The following SLC1A2 variants were observed in gnomAD, a reference collection of about 807,000 sequenced individuals.
SLC1A2 encodes excitatory amino acid transporter 2.
A neutral mutation model predicts 48.8 loss-of-function variants in SLC1A2; 15 were observed. The ratio of observed to expected loss-of-function variants is 0.31; its 90% confidence interval spans 0.21 to 0.47. The LOEUF (loss-of-function observed/expected upper bound fraction) is 0.47, where lower values mean the gene tolerates loss of function less well. Ranked by LOEUF, SLC1A2 falls within the 20% of genes least tolerant of loss-of-function variation. The pLI is 0.99. For missense variants in SLC1A2, 502 were observed against 730.5 expected, an observed-to-expected ratio of 0.69 and a Z score of 3.61; for synonymous variants, 279 against 272.6, an observed-to-expected ratio of 1.02 and a Z score of -0.23.
intron 1 of SLC1A2, among the ~76,000 whole-genome samples, chr11:35,384,584 T>C (rs1854528581): frequency 6.6e-6 from 1 of 152,260 alleles, no homozygotes; most frequent in South Asian, 2.1e-4. Flanking sequence ...CTCAGTGGAT[T>C]AGAAGATATT....
intron 1 of SLC1A2, among the ~76,000 whole-genome samples, chr11:35,343,881 G>A: frequency 6.6e-6 from 1 of 151,882 alleles, no homozygotes; most frequent in Non-Finnish European, 1.5e-5. Context: ...TCGAAAAACA[G>A]AAATTAATAA....
chr11:35,281,590 A>G lies in SLC1A2; in HGVS notation c.1287-589T>C, dbSNP rs141088704. On this transcript the variant is annotated intron_variant, in intron 8 of 10. Coordinates refer to ENST00000278379, the MANE Select transcript of SLC1A2 (RefSeq NM_004171.4). ...GATGCCTCACCATGGGCTGGAAAAT[A>G]CATTATTCAGAAAGGGGATGCCAAG... Among the ~76,000 whole-genome samples, 12 of 152,338 alleles carry G rather than the reference A, an allele frequency of 7.9e-5. No homozygotes were observed. In the East Asian group the frequency reaches 1.7e-3, roughly 22 times the overall value.
chr11:35,279,146 GC>G (rs1336093017), intron 9 of SLC1A2, among the ~76,000 whole-genome samples: 2 of 152,254 alleles, frequency 1.3e-5, no homozygotes, highest in South Asian at 4.1e-4. Flanking sequence ...CTCTGGGCCA[GC>G]ACTTGTCACT....
At position 35,255,763 on chromosome 11, in the gene SLC1A2, T is replaced by A. The variant is rs894463150; in HGVS notation, c.*5131A>T. On this transcript the variant is annotated 3_prime_UTR_variant, in exon 11 of 11. Coordinates refer to ENST00000278379, the MANE Select transcript of SLC1A2 (RefSeq NM_004171.4). ...ATTTTTCCGTGAGCCAAATCACTAC[T>A]TCTATTAGGAAGGTGAGTTTAAGTC... 6 of 152,234 alleles carry A rather than the reference T, an allele frequency of 3.9e-5. No individual in the cohort carries two copies. The highest frequency in any genetic ancestry group is 1.4e-4 in the African/African-American group (6 of 41,460). The allele number at this position is 152,234 out of a possible 1,614,324, so 9.4% of individuals were successfully genotyped here.
chr11:35,252,283 A>G lies in SLC1A2; in HGVS notation c.*8611T>C, dbSNP rs1035038024. 3.9e-5 allele frequency: 6 copies of G among 152,564 alleles called. No homozygotes were observed. The highest frequency in any genetic ancestry group is 1.4e-4 in the African/African-American group (6 of 41,434). The allele number at this position is 152,564 out of a possible 1,614,324, so 9.5% of individuals were successfully genotyped here. A position where few individuals can be genotyped will look rare whatever the true frequency, so the allele number is the denominator to read the frequency against. On this transcript the variant is annotated 3_prime_UTR_variant, in exon 11 of 11. Transcript: ENST00000278379. ...GAACCTTTAAGTCATGAGCATCATG[A>G]TGAGTATTTGGCAACCAGAGAGGCT...
intron 1 of SLC1A2, among the ~76,000 whole-genome samples, chr11:35,328,662 A>G (rs569769002): frequency 6.6e-6 from 1 of 152,318 alleles, no homozygotes; most frequent in Admixed American, 6.5e-5. Flanking sequence ...ATTTCATGCT[A>G]GCAATAGACA....
intron 1 of SLC1A2, among the ~76,000 whole-genome samples, chr11:35,400,657 TG>T (rs1378590053): frequency 1.3e-5 from 2 of 152,216 alleles, no homozygotes; most frequent in Non-Finnish European, 2.9e-5. Context: ...GGTATATCCA[TG>T]AAAAATCAAT....
At chr11:35,364,920 T>C (rs1565278067) in intron 1 of SLC1A2, among the ~76,000 whole-genome samples, 1 of 152,128 alleles carries the variant, frequency 6.6e-6, no homozygotes. Flanking sequence ...ATATTACAGA[T>C]GAGAAAATGG....
chr11:35,336,820 T>C (rs1393431672), intron 1 of SLC1A2, among the ~76,000 whole-genome samples: 1 of 152,190 alleles, frequency 6.6e-6, no homozygotes, highest in East Asian at 1.9e-4. Flanking sequence ...TGGCTTTCCA[T>C]ATGGCCCATG....
chr11:35,409,658 C>T (rs370716298), intron 1 of SLC1A2, among the ~76,000 whole-genome samples: 3 of 152,264 alleles, frequency 2.0e-5, no homozygotes, highest in African/African-American at 4.8e-5. Flanking sequence ...CCTATAATCT[C>T]AGCACTTTGG....
At chr11:35,266,529 G>T (rs903653123) in intron 9 of SLC1A2, among the ~76,000 whole-genome samples, 1 of 152,122 alleles carries the variant, frequency 6.6e-6, no homozygotes, top group South Asian at 2.1e-4. Flanking sequence ...CTTGAAAAAA[G>T]AATGGTTGAT....
chr11:35,338,778 G>A (rs1344851878), intron 1 of SLC1A2, among the ~76,000 whole-genome samples: 2 of 152,148 alleles, frequency 1.3e-5, no homozygotes, highest in Non-Finnish European at 2.9e-5. Flanking sequence ...GTCAGACTAA[G>A]GTAGGCTTCC....
chr11:35,261,835 T>A (rs1021624752), intron 10 of SLC1A2: 4 of 397,772 alleles, frequency 1.0e-5, no homozygotes, highest in Admixed American at 4.4e-5. Flanking sequence ...GGAAGTGAAA[T>A]GCATGCATCA....
chr11:35,260,918 T>G lies in SLC1A2; in HGVS notation c.1701A>C (p.Glu567Asp). ...CTTATTTCTCACGTTTCCAAGGTTC[T>G]TCCTCAACACTGCAGTCGGCTGACT... ...NGKSADCSVE[E>D]EPWKREK Residue 567 changes from glutamate to aspartate, a missense_variant, in exon 11 of 11, where the codon GAA becomes GAC. Physicochemically the swap from Glu to Asp is conservative, Grantham distance 45. Transcript: ENST00000278379. The G allele has an allele frequency of 6.2e-7, 1 of 1,613,728 alleles. No homozygotes were observed. The highest frequency in any genetic ancestry group is 8.5e-7 in the Non-Finnish European group (1 of 1,179,598).
chr11:35,395,407 C>T (rs1305866608), intron 1 of SLC1A2, among the ~76,000 whole-genome samples: 2 of 151,984 alleles, frequency 1.3e-5, no homozygotes, highest in Non-Finnish European at 2.9e-5. Flanking sequence ...TGTAGCTCTT[C>T]CCACATCACC....
chr11:35,333,668 T>C (rs1852509542), intron 1 of SLC1A2, among the ~76,000 whole-genome samples: 1 of 152,102 alleles, frequency 6.6e-6, no homozygotes, highest in Admixed American at 6.6e-5. Flanking sequence ...CTTTCTCTTT[T>C]TTTTTCCCCT....
intron 1 of SLC1A2, among the ~76,000 whole-genome samples, chr11:35,411,879 A>G (rs921180654): frequency 4.6e-5 from 7 of 152,102 alleles, no homozygotes; most frequent in Non-Finnish European, 5.9e-5. Flanking sequence ...TCTCCACTCA[A>G]AGAATAACTT....
chr11:35,356,564 A>G (rs1853474620), intron 1 of SLC1A2, among the ~76,000 whole-genome samples: 1 of 152,216 alleles, frequency 6.6e-6, no homozygotes, highest in Admixed American at 6.5e-5. Context: ...TTGATCAAGA[A>G]TATAACGTAT....
chr11:35,392,258 G>A lies in SLC1A2; in HGVS notation c.17+26692C>T, dbSNP rs1006803768. ...TTCCTGGTTTAAGGTGCACATTTTT[G>A]GTTTTATTTTCTAAGTACATTGCTG... is the stretch of plus-strand genomic sequence containing the variant. On this transcript the variant is annotated intron_variant, in intron 1 of 10. Transcript: ENST00000278379. 2.0e-5 allele frequency: 3 copies of A among 152,240 alleles called. No individual in the cohort carries two copies. The East Asian group carries it at 5.8e-4, about 29-fold the overall frequency. 9.4% of individuals were successfully genotyped at this position (152,240 alleles called of 1,614,324 possible). A position where few individuals can be genotyped will look rare whatever the true frequency, so the allele number is the denominator to read the frequency against.
Sources: allele counts gnomAD v4.1 joint callset (sites outside exome capture counted in the v4.1 genomes callset), GRCh38; gene constraint gnomAD v4.1.1; transcripts MANE v1.5; gene names NCBI Gene and HGNC (gene_info 2026-07-23, HGNC 2026-07-21).